Variants in LY75 observed in about 807,000 individuals in gnomAD.
The protein encoded by LY75 is lymphocyte antigen 75.
LY75 carries 185 observed loss-of-function variants against 231.7 expected under a neutral mutation model. The ratio of observed to expected loss-of-function variants is 0.80; its 90% confidence interval spans 0.71 to 0.90. LY75 has a LOEUF of 0.90. LY75 is among the 40% of genes least tolerant of loss of function. The probability of loss-of-function intolerance (pLI) is 0.00; values close to 1 mark genes in which losing one functional copy is unlikely to be tolerated. For missense variants in LY75, 1,947 were observed against 2,050.2 expected (o/e 0.95, Z 0.97); for synonymous variants, 668 against 689.0 (o/e 0.97, Z 0.48).
chr2:159,831,772 T>C lies in LY75; in HGVS notation c.3856A>G (p.Ile1286Val). The stretch of plus-strand genomic sequence containing the variant: ...TCCTTTTCATCTCGAATACTCAGAA[T>C]ATGTGATTTTGGATCTGTTGAATAA... ...KCQKLNPKSHILSIRDEKENN... is the reference protein window; with the variant it reads ...KCQKLNPKSHVLSIRDEKENN... Residue 1286 changes from isoleucine to valine, a missense_variant, in exon 28 of 35, where the codon ATT becomes GTT. Transcript: ENST00000263636. 1 of 1,608,372 alleles carries C rather than the reference T, an allele frequency of 6.2e-7. No homozygotes were observed. Among genetic ancestry groups the C allele is most frequent in the African/African-American group, 1.3e-5 (1 of 74,852 alleles).
At chr2:159,874,615 A>AAC (rs1239159744) in intron 12 of LY75, among the ~76,000 whole-genome samples, 4 of 102,962 alleles carry the variant, frequency 3.9e-5, no homozygotes, top group Non-Finnish European at 7.4e-5. Context: ...ATATTTTGTA[A>AAC]ATATATATAT....
rs149914116 is a variant in LY75, at chr2:159,896,612, G to A, written c.466+2076C>T. On this transcript the variant is annotated intron_variant, in intron 2 of 34. Transcript: ENST00000263636. ...AACAATCAGTATCGAGAGTCTGAGA[G>A]CGGAGTCCTAGAGAAAGTCCCTAAC... 3.8e-3 allele frequency among the ~76,000 whole-genome samples: 573 copies of A among 152,294 alleles called. 6 individuals carry two copies. The highest frequency in any genetic ancestry group is 0.013 in the African/African-American group (534 of 41,548).
intron 13 of LY75, among the ~76,000 whole-genome samples, chr2:159,871,045 C>T (rs1399526071): frequency 6.6e-6 from 1 of 152,058 alleles, no homozygotes; most frequent in African/African-American, 2.4e-5. Context: ...TATAGGGATA[C>T]TTACCTTTTT....
chr2:159,821,630 AAAG>A (rs1326651802), intron 28 of LY75, among the ~76,000 whole-genome samples: 2 of 59,936 alleles, frequency 3.3e-5, no homozygotes, highest in African/African-American at 1.1e-4. Flanking sequence ...AAAAAAAAAA[AAAG>A]AAAAGAAAAG....
At chr2:159,811,394 G>A (rs1682957012) in intron 31 of LY75, among the ~76,000 whole-genome samples, 1 of 151,822 alleles carries the variant, frequency 6.6e-6, no homozygotes, top group Admixed American at 6.5e-5. Context: ...AGTAACAGAA[G>A]CAGCCTGAGG....
At chr2:159,867,247 G>A (rs919849776) in intron 13 of LY75, among the ~76,000 whole-genome samples, 1 of 152,130 alleles carries the variant, frequency 6.6e-6, no homozygotes, top group Non-Finnish European at 1.5e-5. Context: ...CATAAATACA[G>A]AAAATAATAG....
intron 2 of LY75, 138 bp downstream of exon 2, chr2:159,898,550 T>C (rs1248518165): frequency 7.2e-7 from 1 of 1,388,686 alleles, no homozygotes; most frequent in Admixed American, 2.4e-5. Flanking sequence ...TCAAAGTAAC[T>C]GCACAGTGCC....
chr2:159,846,031 C>G (rs1452437764), intron 23 of LY75, among the ~76,000 whole-genome samples: 2 of 151,452 alleles, frequency 1.3e-5, no homozygotes, highest in Non-Finnish European at 2.9e-5. Flanking sequence ...TCTCAAATTC[C>G]TGGGCTCAAG....
Position 159,878,315 on chromosome 2 carries a change from G to T in LY75, c.1774+9C>A. 6.2e-7 allele frequency: 1 copy of T among 1,613,086 alleles called. No individual in the cohort carries two copies. Among genetic ancestry groups the T allele is most frequent in the South Asian group, 1.1e-5 (1 of 90,902 alleles). ...AGTATACTACTACTTCAAAGATTAA[G>T]ACACTCACCTGGCTCAAGAAAATTC... On this transcript the variant is annotated intron_variant, in intron 11 of 34. Coordinates refer to ENST00000263636, the MANE Select transcript of LY75 (RefSeq NM_002349.4).
At position 159,856,078 on chromosome 2, in the gene LY75, T is replaced by G. The variant is rs962516105; in HGVS notation, c.2384-1139A>C. On this transcript the variant is annotated intron_variant, in intron 16 of 34. Coordinates refer to ENST00000263636, the MANE Select transcript of LY75 (RefSeq NM_002349.4). ...TCAAAGACTTCTGATTATTTGTGTG[T>G]GGGGGAGGGAAAGCTATGGCTAACC... 3.3e-5 allele frequency among the ~76,000 whole-genome samples: 5 copies of G among 152,172 alleles called. 1 individual carries two copies. The South Asian group carries it at 8.3e-4, about 25-fold the overall frequency.
At chr2:159,884,574 G>C (rs568221285) in intron 6 of LY75, among the ~76,000 whole-genome samples, 1 of 152,246 alleles carries the variant, frequency 6.6e-6, no homozygotes, top group Non-Finnish European at 1.5e-5. Context: ...GACAGAGAAG[G>C]ATAGAAGAGG....
At chr2:159,892,139 C>G (rs2125883116) in intron 3 of LY75, among the ~76,000 whole-genome samples, 1 of 152,284 alleles carries the variant, frequency 6.6e-6, no homozygotes, top group Non-Finnish European at 1.5e-5. Context: ...ATCAGAATCT[C>G]TGGGCCCTAG....
chr2:159,895,240 T>C (rs1303416024), intron 2 of LY75, among the ~76,000 whole-genome samples: 1 of 152,182 alleles, frequency 6.6e-6, no homozygotes, highest in Non-Finnish European at 1.5e-5. Flanking sequence ...TCTTGGCAAA[T>C]AGTCTTTTAA....
intron 2 of LY75, among the ~76,000 whole-genome samples, chr2:159,897,844 T>C (rs911021888): frequency 5.9e-5 from 9 of 152,232 alleles, no homozygotes; most frequent in African/African-American, 2.2e-4. Context: ...AATCTACTCA[T>C]TCTTTAACTT....
intron 12 of LY75, among the ~76,000 whole-genome samples, chr2:159,874,175 T>TTTGTAAATATATATAAACGTATATATA (rs1560093173): frequency 3.5e-5 from 4 of 114,596 alleles, no homozygotes; most frequent in East Asian, 2.5e-4. Flanking sequence ...GTATATATAT[T>TTTGTAAATATATATAAACGTATATATA]GTAAATATAT....
chr2:159,842,110 G>A (rs1287566941), intron 24 of LY75, 135 bp downstream of exon 24: 3 of 1,060,192 alleles, frequency 2.8e-6, no homozygotes, highest in Non-Finnish European at 3.7e-6. Flanking sequence ...GGACCCAGGT[G>A]GTAAGCATAC....
At chr2:159,839,423 T>C (rs751610373) in intron 25 of LY75, among the ~76,000 whole-genome samples, 1 of 152,194 alleles carries the variant, frequency 6.6e-6, no homozygotes, top group East Asian at 1.9e-4. Flanking sequence ...AGGTTAGTGA[T>C]GCGAATTAGT....
chr2:159,824,690 C>A (rs1683405782), intron 28 of LY75, among the ~76,000 whole-genome samples: 1 of 152,200 alleles, frequency 6.6e-6, no homozygotes, highest in African/African-American at 2.4e-5. Flanking sequence ...CGCACTTATT[C>A]TAAAATTGAC....
At position 159,874,845 on chromosome 2, in the gene LY75, G is replaced by T. The variant is rs865976552; in HGVS notation, c.1974+599C>A. 1.0e-4 allele frequency among the ~76,000 whole-genome samples: 3 copies of T among 29,982 alleles called. 1 individual carries two copies. The highest frequency in any genetic ancestry group is 2.5e-4 in the Non-Finnish European group (2 of 8,116). The allele number at this position is 29,982 out of a possible 152,430, so 19.7% of individuals were successfully genotyped here. A position where few individuals can be genotyped will look rare whatever the true frequency, so the allele number is the denominator to read the frequency against. ...AAATATATATATTTTGTAAATATAT[G>T]TAAATATATATATATTTTGTAAATA... On this transcript the variant is annotated intron_variant, in intron 12 of 34. Coordinates refer to ENST00000263636, the MANE Select transcript of LY75 (RefSeq NM_002349.4).
Sources: gnomAD v4.1 joint callset for allele counts (sites outside exome capture counted in the v4.1 genomes callset) on GRCh38, gnomAD v4.1.1 for gene constraint, MANE v1.5 for transcripts, NCBI Gene and HGNC (gene_info 2026-07-23, HGNC 2026-07-21) for gene names.